CNBP: variants seen among roughly 807,000 people sequenced by gnomAD.
CNBP encodes the protein cellular nucleic acid-binding protein.
CNBP carries 6 observed loss-of-function variants against 21.2 expected under a neutral mutation model. That is an observed-to-expected ratio of 0.28 (90% CI 0.16 to 0.56). The LOEUF is 0.56. Ranked by LOEUF, CNBP falls within the 20% of genes least tolerant of loss-of-function variation. CNBP has a pLI of 0.93. For missense variants in CNBP, 112 were observed against 233.1 expected (o/e 0.48, Z 3.38); for synonymous variants, 61 against 74.9 (o/e 0.81, Z 0.96).
chr3:129,182,452 G>A (rs568544402), intron 1 of CNBP, among the ~76,000 whole-genome samples: 48 of 152,024 alleles, frequency 3.2e-4, no homozygotes, highest in Non-Finnish European at 6.2e-4. Context: ...CCCTGTGGCT[G>A]AGGCCATATG....
At chr3:129,176,417 A>G (rs1937910567) in intron 1 of CNBP, among the ~76,000 whole-genome samples, 1 of 152,234 alleles carries the variant, frequency 6.6e-6, no homozygotes, top group African/African-American at 2.4e-5. Context: ...GCCTTGTATC[A>G]TATTCCTTGA....
In CNBP at chr3:129,169,585, C is replaced by T. The variant is rs1937533288; in HGVS notation, c.*868G>A. 1 of 208,638 alleles carries T rather than the reference C, an allele frequency of 4.8e-6. No homozygotes were observed. Among genetic ancestry groups the T allele is most frequent in the South Asian group, 1.9e-4 (1 of 5,302 alleles). The allele number at this position is 208,638 out of a possible 1,614,324, so 12.9% of individuals were successfully genotyped here. A position where few individuals can be genotyped will look rare whatever the true frequency, so the allele number is the denominator to read the frequency against. ...AAGAACTTTAGTCAAACTCCCCTTC[C>T]TCCTCCAGCTTTATTGGAATAGTTT... On this transcript the variant is annotated 3_prime_UTR_variant, in exon 5 of 5. Transcript: ENST00000422453.
chr3:129,178,232 A>G (rs1560039602), intron 1 of CNBP, among the ~76,000 whole-genome samples: 1 of 152,022 alleles, frequency 6.6e-6, no homozygotes, highest in Non-Finnish European at 1.5e-5. Flanking sequence ...ATGCTAAACT[A>G]AGAGGTGTAA....
chr3:129,169,388 T>C lies in CNBP; in HGVS notation c.*1065A>G, dbSNP rs1937529936. On this transcript the variant is annotated 3_prime_UTR_variant, in exon 5 of 5. Transcript: ENST00000422453. ...ATTACAAAGTGAATTTTCTATAGCT[T>C]TGCAAAAGTATCTAAATCCCATACA... The C allele has an allele frequency of 1.0e-5, 2 of 193,888 alleles. No homozygotes were observed. Among genetic ancestry groups the C allele is most frequent in the East Asian group, 8.2e-5 (1 of 12,262 alleles). 12.0% of individuals were successfully genotyped at this position (193,888 alleles called of 1,614,324 possible). A position where few individuals can be genotyped will look rare whatever the true frequency, so the allele number is the denominator to read the frequency against.
chr3:129,176,327 A>AC (rs762478132), intron 1 of CNBP, among the ~76,000 whole-genome samples: 3 of 152,136 alleles, frequency 2.0e-5, no homozygotes, highest in Non-Finnish European at 2.9e-5. Context: ...GAATCTGACT[A>AC]CATCTCCCAG....
intron 1 of CNBP, among the ~76,000 whole-genome samples, chr3:129,173,569 G>A (rs925004952): frequency 3.3e-5 from 5 of 151,862 alleles, no homozygotes; most frequent in African/African-American, 1.2e-4. Flanking sequence ...CCTTTAATTG[G>A]TTATCATTTT....
chr3:129,171,579 G>A (rs1237936563), intron 2 of CNBP, 41 bp from the exon 3 acceptor site: 6 of 1,613,934 alleles, frequency 3.7e-6, no homozygotes, highest in East Asian at 2.2e-5. Context: ...AGTCAGACCA[G>A]TCTTGATACT....
Position 129,170,392 on chromosome 3 carries a change from G to C in CNBP, c.*61C>G. The C allele has an allele frequency of 7.1e-7, 1 of 1,411,286 alleles. No individual in the cohort carries two copies. The highest frequency in any genetic ancestry group is 1.0e-6 in the Non-Finnish European group (1 of 995,370). The allele number at this position is 1,411,286 out of a possible 1,614,324, so 87.4% of individuals were successfully genotyped here. A position where few individuals can be genotyped will look rare whatever the true frequency, so the allele number is the denominator to read the frequency against. ...TCTGCCAACCTTTGGCCAGTGAAGA[G>C]GATTCAGAGAAAATAATACAACCAT... On this transcript the variant is annotated 3_prime_UTR_variant, in exon 5 of 5. Coordinates refer to ENST00000422453, the MANE Select transcript of CNBP (RefSeq NM_003418.5).
rs1163259505 is a variant in CNBP, at chr3:129,168,919, A to AC, written c.*1533dup. Reference sequence around the variant, plus strand: ...AGACCATCCTGGCTAACACCGTGAAACCCCGTCTTTACTAAAAATACAAAA... The same window carrying AC: ...AGACCATCCTGGCTAACACCGTGAAACCCCCGTCTTTACTAAAAATACAAAA... On this transcript the variant is annotated 3_prime_UTR_variant, in exon 5 of 5. Transcript: ENST00000422453. 4.9e-5 allele frequency among the ~76,000 whole-genome samples: 7 copies of AC among 143,232 alleles called. No homozygotes were observed. In the Admixed American group the frequency reaches 5.2e-4, roughly 11 times the overall value. The allele number at this position is 143,232 out of a possible 152,430, so 94.0% of individuals were successfully genotyped here.
At position 129,171,108 on chromosome 3, in the gene CNBP, T is replaced by C; in HGVS notation, c.387A>G (p.Gln129=). Residue 129 remains glutamine, a synonymous_variant, in exon 4 of 5, where the codon CAA becomes CAG. Transcript: ENST00000422453. ...CYSCGEFGHI[Q]KDCTKVKCYR... The stretch of plus-strand genomic sequence containing the variant: ...AGCACTTCACTTTGGTGCAGTCTTT[T>C]TGAATGTGTCCGAATTCTCCACAAG... 4 of 1,614,054 alleles carry C rather than the reference T, an allele frequency of 2.5e-6. No homozygotes were observed. The highest frequency in any genetic ancestry group is 2.5e-6 in the Non-Finnish European group (3 of 1,180,052).
chr3:129,172,941 C>T (rs944870059), intron 1 of CNBP, among the ~76,000 whole-genome samples: 5 of 152,108 alleles, frequency 3.3e-5, no homozygotes, highest in Non-Finnish European at 7.3e-5. Context: ...AACCTTAGCA[C>T]CTGACGTAGT....
At position 129,179,107 on chromosome 3, in the gene CNBP, G is replaced by A. The variant is rs145499231; in HGVS notation, c.-15+4669C>T. 5.2e-3 allele frequency among the ~76,000 whole-genome samples: 792 copies of A among 151,880 alleles called. 7 individuals are homozygous for A. The highest frequency in any genetic ancestry group is 0.016 in the African/African-American group (676 of 41,424). ...AGCCTGACCAACATGGAGAAATCCC[G>A]TCTCTACTAAAAACACAAAATTGGC... On this transcript the variant is annotated intron_variant, in intron 1 of 4. Coordinates refer to ENST00000422453, the MANE Select transcript of CNBP (RefSeq NM_003418.5).
intron 1 of CNBP, among the ~76,000 whole-genome samples, chr3:129,179,749 T>C (rs1938158553): frequency 1.3e-5 from 2 of 152,104 alleles, no homozygotes; most frequent in African/African-American, 4.8e-5. Flanking sequence ...AGAGAATCGC[T>C]TGAACCCAGG....
At chr3:129,179,418 T>G (rs1240149421) in intron 1 of CNBP, among the ~76,000 whole-genome samples, 1 of 152,218 alleles carries the variant, frequency 6.6e-6, no homozygotes, top group African/African-American at 2.4e-5. Context: ...CTGAACTTAC[T>G]GCTTGACCTT....
intron 1 of CNBP, among the ~76,000 whole-genome samples, chr3:129,173,740 C>T (rs1318004490): frequency 6.6e-6 from 1 of 152,126 alleles, no homozygotes; most frequent in Admixed American, 6.5e-5. Context: ...TATTTTTACC[C>T]TTAATTCCAC....
intron 1 of CNBP, among the ~76,000 whole-genome samples, chr3:129,174,132 A>AT (rs1156703189): frequency 6.6e-6 from 1 of 152,128 alleles, no homozygotes; most frequent in Non-Finnish European, 1.5e-5. Context: ...GCCTATGAAC[A>AT]TATTACCAAA....
intron 1 of CNBP, among the ~76,000 whole-genome samples, chr3:129,177,502 T>G (rs1937992178): frequency 6.6e-6 from 1 of 152,240 alleles, no homozygotes; most frequent in Non-Finnish European, 1.5e-5. Context: ...GATATTCAAT[T>G]TAAAAACCAA....
rs139580350 is a variant in CNBP at position 129,167,881 on chromosome 3, T to G, written c.*2572A>C. Among the ~76,000 whole-genome samples, 240 of 152,356 alleles carry G rather than the reference T, an allele frequency of 1.6e-3. No homozygotes were observed. The highest frequency in any genetic ancestry group is 5.5e-3 in the African/African-American group (227 of 41,588). On this transcript the variant is annotated 3_prime_UTR_variant, in exon 5 of 5. Transcript: ENST00000422453. ...CATGTGAGACATACAATTTGCTCAG[T>G]AAAAATAGCACATGAAAAAATATTA...
rs1039248882 is a variant in CNBP, at chr3:129,183,245, G to A, written c.-15+531C>T. 3.3e-5 allele frequency among the ~76,000 whole-genome samples: 5 copies of A among 152,192 alleles called. No homozygotes were observed. In the South Asian group the frequency reaches 6.2e-4, roughly 19 times the overall value. The stretch of plus-strand genomic sequence containing the variant: ...TTACAGGCGTGAGCCACCGCGCCCG[G>A]CCTAAGAACCCTTTTCTAAGGCCCC... On this transcript the variant is annotated intron_variant, in intron 1 of 4. Transcript: ENST00000422453.
Sources: gnomAD v4.1 joint callset for allele counts (sites outside exome capture counted in the v4.1 genomes callset) on GRCh38, gnomAD v4.1.1 for gene constraint, MANE v1.5 for transcripts, NCBI Gene and HGNC (gene_info 2026-07-23, HGNC 2026-07-21) for gene names.